TDRD3: variants seen among roughly 807,000 people sequenced by gnomAD.
TDRD3 encodes the protein tudor domain containing 3, also known as tudor domain-containing protein 3.
TDRD3 carries 45 observed loss-of-function variants against 86.7 expected under a neutral mutation model. The observed-to-expected ratio is 0.52, with a 90% confidence interval of 0.41 to 0.67. The LOEUF (loss-of-function observed/expected upper bound fraction) is 0.67, where lower values mean the gene tolerates loss of function less well. Ranked by LOEUF, TDRD3 falls within the 30% of genes least tolerant of loss-of-function variation. The pLI, the probability that TDRD3 is intolerant of heterozygous loss-of-function variation, is 0.00. For synonymous variants in TDRD3, 298 were observed against 301.7 expected (o/e 0.99, Z 0.13); for missense variants, 814 against 889.0 (o/e 0.92, Z 1.07).
chr13:60,516,481 G>T (rs1441073202), intron 10 of TDRD3, among the ~76,000 whole-genome samples: 1 of 152,094 alleles, frequency 6.6e-6, no homozygotes, highest in African/African-American at 2.4e-5. Flanking sequence ...AGTGAGGTTG[G>T]ATTGCATTGT....
chr13:60,554,443 A>G (rs1048949659), intron 12 of TDRD3, among the ~76,000 whole-genome samples: 12 of 152,204 alleles, frequency 7.9e-5, no homozygotes, highest in African/African-American at 2.9e-4. Context: ...CAATATAGAC[A>G]TCATCATTGA....
intron 10 of TDRD3, among the ~76,000 whole-genome samples, chr13:60,516,323 T>A (rs1028957257): frequency 1.3e-5 from 2 of 152,224 alleles, no homozygotes; most frequent in African/African-American, 4.8e-5. Flanking sequence ...AAATATATAT[T>A]CTGATTTTTA....
At chr13:60,415,276 C>G (rs1954475084) in intron 1 of TDRD3, among the ~76,000 whole-genome samples, 1 of 152,038 alleles carries the variant, frequency 6.6e-6, no homozygotes, top group Non-Finnish European at 1.5e-5. Flanking sequence ...TTGAGAATTA[C>G]CAATTCCACT....
rs1595106397 is a variant in TDRD3 at position 60,551,023 on chromosome 13, A to C, written c.2118+15790A>C. Among the ~76,000 whole-genome samples the C allele has an allele frequency of 2.0e-5, 3 of 152,318 alleles. No individual in the cohort carries two copies. The Middle Eastern group carries it at 0.01, about 518-fold the overall frequency. ...GGATAATTCGTGTTTGACAGTAAGA[A>C]CTATAGCATATAAATTATATCTACT... On this transcript the variant is annotated intron_variant, in intron 12 of 13. Coordinates refer to ENST00000377881, the MANE Select transcript of TDRD3 (RefSeq NM_001146070.2).
intron 3 of TDRD3, 106 bp downstream of exon 3, chr13:60,444,854 C>T: frequency 1.8e-6 from 1 of 561,566 alleles, no homozygotes; most frequent in Non-Finnish European, 2.9e-6. Flanking sequence ...TTGCAAAATA[C>T]TCTGGAGGTG....
intron 11 of TDRD3, 138 bp downstream of exon 11, chr13:60,529,355 A>G (rs1280933079): frequency 4.6e-6 from 4 of 867,496 alleles, no homozygotes; most frequent in African/African-American, 1.7e-5. Context: ...ACAGATTTAT[A>G]GATATATAAA....
At chr13:60,490,419 G>T (rs1214883168) in intron 7 of TDRD3, among the ~76,000 whole-genome samples, 1 of 152,178 alleles carries the variant, frequency 6.6e-6, no homozygotes, top group Non-Finnish European at 1.5e-5. Context: ...GGAGTGGCCA[G>T]TGGAAGCAGA....
intron 10 of TDRD3, among the ~76,000 whole-genome samples, chr13:60,519,423 G>A (rs1431162808): frequency 1.3e-5 from 2 of 152,088 alleles, no homozygotes; most frequent in Non-Finnish European, 2.9e-5. Flanking sequence ...CACAAGTCTA[G>A]TGCCTCGTAT....
rs761946260 is a variant in TDRD3, at chr13:60,529,116, A to G, written c.1891A>G (p.Ile631Val). Residue 631 changes from isoleucine (I) to valine (V), a missense_variant, in exon 11 of 14, where the codon ATT (isoleucine) becomes GTT (valine). Coordinates refer to ENST00000377881, the MANE Select transcript of TDRD3 (RefSeq NM_001146070.2). ...TGGGCCCAAACGAAGATCTGGGCCAATTAAGCCAGAAAAAATACTAGAATC... is the reference window on the plus strand; with the variant it reads ...TGGGCCCAAACGAAGATCTGGGCCAGTTAAGCCAGAAAAAATACTAGAATC... Reference protein sequence around the residue: ...NSGPKRRSGPIKPEKILESSI... With the variant: ...NSGPKRRSGPVKPEKILESSI... 14 of 1,613,980 alleles carry G rather than the reference A, an allele frequency of 8.7e-6. No homozygotes were observed. Among genetic ancestry groups the G allele is most frequent in the African/African-American group, 4.0e-5 (3 of 74,950 alleles).
chr13:60,405,065 G>C (rs917055043), intron 1 of TDRD3, among the ~76,000 whole-genome samples: 2 of 152,170 alleles, frequency 1.3e-5, no homozygotes, highest in Admixed American at 1.3e-4. Flanking sequence ...CCAGCCATGT[G>C]GAACTGTTAA....
At chr13:60,448,609 T>C (rs1955461986) in intron 3 of TDRD3, among the ~76,000 whole-genome samples, 1 of 152,074 alleles carries the variant, frequency 6.6e-6, no homozygotes, top group African/African-American at 2.4e-5. Context: ...ACTTCATATT[T>C]GATTCAAAAG....
At chr13:60,533,309 G>A (rs775038801) in intron 11 of TDRD3, among the ~76,000 whole-genome samples, 2 of 152,068 alleles carry the variant, frequency 1.3e-5, no homozygotes, top group South Asian at 4.2e-4. Context: ...AATTTTTGTT[G>A]CCTGTAGCAT....
intron 1 of TDRD3, among the ~76,000 whole-genome samples, chr13:60,439,397 A>C (rs1020404305): frequency 6.6e-6 from 1 of 152,172 alleles, no homozygotes; most frequent in Non-Finnish European, 1.5e-5. Context: ...ATAATAGCAA[A>C]GAGCAGCTTA....
chr13:60,525,465 C>T (rs1368875723), intron 10 of TDRD3, among the ~76,000 whole-genome samples: 2 of 151,924 alleles, frequency 1.3e-5, no homozygotes, highest in Non-Finnish European at 2.9e-5. Context: ...TGAACCACCG[C>T]ACCTGGCCAG....
At chr13:60,551,758 C>T (rs1390852167) in intron 12 of TDRD3, among the ~76,000 whole-genome samples, 1 of 152,166 alleles carries the variant, frequency 6.6e-6, no homozygotes, top group Admixed American at 6.5e-5. Context: ...TTCTGCATAG[C>T]TGGAGAGGCC....
intron 12 of TDRD3, among the ~76,000 whole-genome samples, chr13:60,539,345 A>AT (rs1957763518): frequency 6.6e-6 from 1 of 152,090 alleles, no homozygotes; most frequent in Admixed American, 6.6e-5. Context: ...GAAATATCTA[A>AT]TTAGGGTCTG....
chr13:60,443,277 C>T (rs1390200149), intron 2 of TDRD3, among the ~76,000 whole-genome samples: 1 of 151,930 alleles, frequency 6.6e-6, no homozygotes, highest in Non-Finnish European at 1.5e-5. Flanking sequence ...TATTTTTTTA[C>T]ACTTATGTTA....
intron 13 of TDRD3, among the ~76,000 whole-genome samples, chr13:60,568,898 G>T (rs769963074): frequency 2.0e-5 from 3 of 152,184 alleles, no homozygotes; most frequent in Admixed American, 6.5e-5. Context: ...CAGTAAAGTT[G>T]CAGGATACAA....
chr13:60,524,818 G>T (rs1022744914), intron 10 of TDRD3, among the ~76,000 whole-genome samples: 1 of 151,616 alleles, frequency 6.6e-6, no homozygotes, highest in Non-Finnish European at 1.5e-5. Context: ...ACAATTTTCG[G>T]CCAGGCGCAG....
Sources: gnomAD v4.1 joint callset for allele counts (sites outside exome capture counted in the v4.1 genomes callset) on GRCh38, gnomAD v4.1.1 for gene constraint, MANE v1.5 for transcripts, NCBI Gene and HGNC (gene_info 2026-07-23, HGNC 2026-07-21) for gene names.